Variants in AGBL4 observed in about 807,000 individuals in gnomAD.
The protein encoded by AGBL4 is AGBL carboxypeptidase 4.
A neutral mutation model predicts 66.4 loss-of-function variants in AGBL4; 58 were observed. The observed-to-expected ratio is 0.87, with a 90% CI of 0.71 to 1.09. AGBL4 has a LOEUF of 1.09. Among genes scored for constraint, AGBL4 ranks in the 50% least tolerant of loss-of-function variants. AGBL4 has a pLI of 0.00. For synonymous variants in AGBL4, 234 were observed against 222.9 expected, an observed-to-expected ratio of 1.05 and a Z score of -0.44; for missense variants, 579 against 631.0, an observed-to-expected ratio of 0.92 and a Z score of 0.88.
chr1:49,950,046 A>ATATG (rs1491456726), intron 1 of AGBL4, among the ~76,000 whole-genome samples: 1 of 143,134 alleles, frequency 7.0e-6, no homozygotes, highest in Non-Finnish European at 1.5e-5. Context: ...ATATATACAC[A>ATATG]TATGTGTATA....
At chr1:49,260,686 A>G (rs1653055643) in intron 3 of AGBL4, among the ~76,000 whole-genome samples, 1 of 152,152 alleles carries the variant, frequency 6.6e-6, no homozygotes, top group Non-Finnish European at 1.5e-5. Context: ...AACCAAAAAG[A>G]GTCCAGGACC....
At chr1:48,563,769 G>A (rs1644432565) in intron 11 of AGBL4, among the ~76,000 whole-genome samples, 1 of 152,216 alleles carries the variant, frequency 6.6e-6, no homozygotes, top group Admixed American at 6.5e-5. Context: ...TGATCACTGG[G>A]AAGCCTCAGC....
At chr1:49,161,427 G>T (rs988994541) in intron 4 of AGBL4, among the ~76,000 whole-genome samples, 1 of 152,118 alleles carries the variant, frequency 6.6e-6, no homozygotes, top group Non-Finnish European at 1.5e-5. Flanking sequence ...TACCTCAGTT[G>T]GATGCAGAAA....
At chr1:49,744,574 G>T (rs1460217209) in intron 2 of AGBL4, among the ~76,000 whole-genome samples, 2 of 151,894 alleles carry the variant, frequency 1.3e-5, no homozygotes, top group Non-Finnish European at 2.9e-5. Flanking sequence ...GAAATGAAAG[G>T]ACCCTATATA....
intron 2 of AGBL4, among the ~76,000 whole-genome samples, chr1:49,799,444 G>C (rs1333270842): frequency 6.6e-6 from 1 of 152,120 alleles, no homozygotes; most frequent in Non-Finnish European, 1.5e-5. Context: ...CTATAGTCCA[G>C]GGTTCCATGA....
In AGBL4 at chr1:48,560,171, T is replaced by G. The variant is rs532808949; in HGVS notation, c.1268-20433A>C. Among the ~76,000 whole-genome samples the G allele has an allele frequency of 2.0e-4, 31 of 152,336 alleles. 1 individual carries two copies. Among genetic ancestry groups the G allele is most frequent in the Middle Eastern group, 3.4e-3 (1 of 294 alleles). On this transcript the variant is annotated intron_variant, in intron 11 of 13. Transcript: ENST00000371839. ...TTATAAGATTTACGCAGGTGTTGCT[T>G]TTTCACTATGACCTCAAGTTTCTTC... is the stretch of plus-strand genomic sequence containing the variant.
intron 11 of AGBL4, among the ~76,000 whole-genome samples, chr1:48,548,706 A>C (rs1644204273): frequency 6.6e-6 from 1 of 152,176 alleles, no homozygotes; most frequent in African/African-American, 2.4e-5. Flanking sequence ...GCCTGACTGC[A>C]TTGAAGGGTG....
chr1:49,187,534 T>G (rs1402211388), intron 4 of AGBL4: 2 of 152,182 alleles, frequency 1.3e-5, no homozygotes, highest in Non-Finnish European at 2.9e-5. Context: ...GTTCAAGATC[T>G]CTTGCTGAGT....
intron 4 of AGBL4, among the ~76,000 whole-genome samples, chr1:49,080,267 C>G (rs1363364254): frequency 6.6e-6 from 1 of 152,046 alleles, no homozygotes; most frequent in Non-Finnish European, 1.5e-5. Flanking sequence ...CAAAGCTGAA[C>G]TATTTTCAAA....
At chr1:49,270,063 C>G (rs1287555394) in intron 3 of AGBL4, among the ~76,000 whole-genome samples, 1 of 152,170 alleles carries the variant, frequency 6.6e-6, no homozygotes, top group Non-Finnish European at 1.5e-5. Context: ...AAATCACTGT[C>G]TCTTTTTCCT....
chr1:48,600,239 G>A (rs1645054198), intron 9 of AGBL4, among the ~76,000 whole-genome samples: 1 of 152,098 alleles, frequency 6.6e-6, no homozygotes, highest in Non-Finnish European at 1.5e-5. Context: ...ATAAATGAAT[G>A]GGCCAGCTAT....
At chr1:49,679,557 A>G (rs928424488) in intron 3 of AGBL4, among the ~76,000 whole-genome samples, 3 of 152,124 alleles carry the variant, frequency 2.0e-5, no homozygotes, top group Admixed American at 1.3e-4. Context: ...GGCCACTTAC[A>G]TTTAATGGAA....
chr1:49,987,522 G>A (rs371835346), intron 1 of AGBL4, among the ~76,000 whole-genome samples: 1 of 151,928 alleles, frequency 6.6e-6, no homozygotes, highest in South Asian at 2.1e-4. Flanking sequence ...AATGTGAGGA[G>A]AAGCTATGTA....
At chr1:49,017,232 T>C (rs1242835842) in intron 5 of AGBL4, among the ~76,000 whole-genome samples, 3 of 152,174 alleles carry the variant, frequency 2.0e-5, no homozygotes, top group African/African-American at 7.2e-5. Flanking sequence ...GAGCATCCTT[T>C]TAAACACATT....
chr1:49,247,502 A>C (rs530504522), intron 3 of AGBL4, among the ~76,000 whole-genome samples: 5 of 152,214 alleles, frequency 3.3e-5, no homozygotes, highest in African/African-American at 1.2e-4. Context: ...TACTTCTCTC[A>C]GGGTCTTGGC....
Position 48,755,953 on chromosome 1 carries a change from T to C in AGBL4, c.635-92712A>G, listed in dbSNP as rs142345892. Among the ~76,000 whole-genome samples the C allele has an allele frequency of 2.5e-3, 378 of 152,334 alleles. 3 individuals carry two copies. The highest frequency in any genetic ancestry group is 8.5e-3 in the African/African-American group (353 of 41,576). The stretch of plus-strand genomic sequence containing the variant: ...TAAGAGGATACTGAGGCAGAGAAGT[T>C]AGTTAACCTGCCCAAGGTCATATAG... On this transcript the variant is annotated intron_variant, in intron 6 of 13. Transcript: ENST00000371839.
At chr1:48,897,879 G>C (rs576490465) in intron 5 of AGBL4, among the ~76,000 whole-genome samples, 410 of 147,852 alleles carry the variant, frequency 2.8e-3, no homozygotes, top group Non-Finnish European at 4.1e-3. Context: ...GCACGATCTC[G>C]GTTCACTGCA....
intron 2 of AGBL4, among the ~76,000 whole-genome samples, chr1:49,797,576 C>T (rs1433591121): frequency 6.6e-6 from 1 of 151,990 alleles, no homozygotes; most frequent in East Asian, 1.9e-4. Flanking sequence ...TCTAGGGCTA[C>T]AGGTATGCCA....
chr1:49,136,142 CTG>C (rs1646006207), intron 4 of AGBL4, among the ~76,000 whole-genome samples: 1 of 152,122 alleles, frequency 6.6e-6, no homozygotes, highest in Non-Finnish European at 1.5e-5. Flanking sequence ...CTTTCATATG[CTG>C]TCTCATTGAG....
Sources: allele counts gnomAD v4.1 joint callset (sites outside exome capture counted in the v4.1 genomes callset), GRCh38; gene constraint gnomAD v4.1.1; transcripts MANE v1.5; gene names NCBI Gene and HGNC (gene_info 2026-07-23, HGNC 2026-07-21).